The following LYZL2 variants were observed in gnomAD, a reference collection of about 807,000 sequenced individuals.
The protein encoded by LYZL2 is lysozyme-like protein 2.
LYZL2 carries 13 observed loss-of-function variants against 17.1 expected under a neutral mutation model. That is an observed-to-expected ratio of 0.76 (90% CI 0.49 to 1.21). The LOEUF (loss-of-function observed/expected upper bound fraction) is 1.21, where lower values mean the gene tolerates loss of function less well. LYZL2 is among the 50% of genes most tolerant of loss of function. The pLI, the probability that LYZL2 is intolerant of heterozygous loss-of-function variation, is 0.00. For missense variants in LYZL2, 166 were observed against 189.2 expected (o/e 0.88, Z 0.72); for synonymous variants, 63 against 74.4 (o/e 0.85, Z 0.79).
At chr10:30,613,917 C>T (rs11008146) in intron 3 of LYZL2, among the ~76,000 whole-genome samples, 17,298 of 152,138 alleles carry the variant, frequency 0.11, 1,066 homozygotes, top group South Asian at 0.18. Context: ...CAGGGTTTCA[C>T]CAGGCTGGTC....
At chr10:30,621,009 T>A (rs1375272634) in intron 3 of LYZL2, among the ~76,000 whole-genome samples, 1 of 152,162 alleles carries the variant, frequency 6.6e-6, no homozygotes, top group Non-Finnish European at 1.5e-5. Context: ...GCCGTTAGAA[T>A]TCTTGAAGGA....
downstream of LYZL2, among the ~76,000 whole-genome samples, chr10:30,608,924 G>C (rs1838402821): frequency 6.6e-6 from 1 of 152,040 alleles, no homozygotes; most frequent in Non-Finnish European, 1.5e-5. Flanking sequence ...ACTGAAGCCT[G>C]AAATTCCTGG....
intron 3 of LYZL2, among the ~76,000 whole-genome samples, chr10:30,616,630 C>G (rs1838532040): frequency 6.6e-6 from 1 of 152,248 alleles, no homozygotes; most frequent in African/African-American, 2.4e-5. Context: ...AAATCTTACT[C>G]TATGTCAGGC....
chr10:30,619,236 A>C (rs563963261), intron 3 of LYZL2, among the ~76,000 whole-genome samples: 1 of 152,334 alleles, frequency 6.6e-6, no homozygotes, highest in East Asian at 1.9e-4. Flanking sequence ...GTGGGACTGT[A>C]AACTAGTTCA....
the LYZL2 span, among the ~76,000 whole-genome samples, chr10:30,606,675 C>G: frequency 6.6e-6 from 1 of 152,158 alleles, no homozygotes; most frequent in Non-Finnish European, 1.5e-5. Context: ...ACTCACGGAG[C>G]TAGTCTCAGA....
chr10:30,609,292 A>ACCAG (rs1173569626), downstream of LYZL2, among the ~76,000 whole-genome samples: 1 of 152,190 alleles, frequency 6.6e-6, no homozygotes, highest in Non-Finnish European at 1.5e-5. Context: ...TATGGCACAC[A>ACCAG]CCAGCCACGA....
rs866254116 is a variant in LYZL2 at position 30,617,406 on chromosome 10, C to T, written c.299-4506G>A. Among the ~76,000 whole-genome samples, 121 of 152,050 alleles carry T rather than the reference C, an allele frequency of 8.0e-4. No individual in the cohort carries two copies. In the Middle Eastern group the frequency reaches 0.024, roughly 30 times the overall value. Reference sequence around the variant, plus strand: ...AGGAAAGTATGTCGACCGGGCGCGGCGGCTCACACCTGTAATCCCAGCACT... The same window carrying T: ...AGGAAAGTATGTCGACCGGGCGCGGTGGCTCACACCTGTAATCCCAGCACT... On this transcript the variant is annotated intron_variant, in intron 3 of 4. Coordinates refer to ENST00000647634, the MANE Select transcript of LYZL2 (RefSeq NM_183058.3).
chr10:30,627,030 G>A (rs1389345880), intron 1 of LYZL2, 90 bp from the exon 2 acceptor site: 1 of 1,543,570 alleles, frequency 6.5e-7, no homozygotes, highest in Non-Finnish European at 8.7e-7. Context: ...CTGCCTAGAT[G>A]CTGCCTGTCA....
At chr10:30,617,995 A>G (rs7095085) in intron 3 of LYZL2, among the ~76,000 whole-genome samples, 130,429 of 150,392 alleles carry the variant, frequency 0.87, 57,236 homozygotes, top group African/African-American at 0.95. Flanking sequence ...TACAAAATCA[A>G]TGTGCAAAAA....
At chr10:30,606,536 T>C in the LYZL2 span, among the ~76,000 whole-genome samples, 1 of 152,062 alleles carries the variant, frequency 6.6e-6, no homozygotes, top group Non-Finnish European at 1.5e-5. Flanking sequence ...TCACCAACGC[T>C]TTTTAAAAGC....
intron 1 of LYZL2, among the ~76,000 whole-genome samples, chr10:30,627,672 A>C (rs1588679778): frequency 6.6e-6 from 1 of 152,164 alleles, no homozygotes; most frequent in Non-Finnish European, 1.5e-5. Flanking sequence ...TGTTATTGGT[A>C]AGGCTTCCAG....
chr10:30,608,938 C>T (rs895003449), downstream of LYZL2, among the ~76,000 whole-genome samples: 1 of 152,108 alleles, frequency 6.6e-6, no homozygotes, highest in Non-Finnish European at 1.5e-5. Flanking sequence ...TTCCTGGGCT[C>T]AAGCGACCCT....
intron 3 of LYZL2, among the ~76,000 whole-genome samples, chr10:30,618,895 C>G (rs1223539138): frequency 6.6e-6 from 1 of 152,182 alleles, no homozygotes; most frequent in Non-Finnish European, 1.5e-5. Context: ...AGGCAACCTA[C>G]AGAATGGGAG....
At chr10:30,611,560 AAGGAAG>A (rs1564405800), downstream of LYZL2, among the ~76,000 whole-genome samples, 2,209 of 99,666 alleles carry the variant, frequency 0.022, 24 homozygotes, top group South Asian at 0.032. Context: ...GGAAGGAAGG[AAGGAAG>A]GAAGGAAAGA....
downstream of LYZL2, among the ~76,000 whole-genome samples, chr10:30,607,851 C>T (rs977116895): frequency 2.0e-5 from 3 of 152,136 alleles, no homozygotes; most frequent in Non-Finnish European, 2.9e-5. Flanking sequence ...TAGCAATGTC[C>T]GTCCTCAAGC....
rs541148259 is a variant in LYZL2, at chr10:30,624,934, C to T, written c.298+1171G>A. Reference sequence around the variant, plus strand: ...GTGAAAGGGACTCGACCCACTATTGCTGGCTGTGAAGATGGAGTAAGGGGC... The same window carrying T: ...GTGAAAGGGACTCGACCCACTATTGTTGGCTGTGAAGATGGAGTAAGGGGC... On this transcript the variant is annotated intron_variant, in intron 3 of 4. Coordinates refer to ENST00000647634, the MANE Select transcript of LYZL2 (RefSeq NM_183058.3). Among the ~76,000 whole-genome samples the T allele has an allele frequency of 4.6e-5, 7 of 152,284 alleles. No individual in the cohort carries two copies. The East Asian group carries it at 1.2e-3, about 25-fold the overall frequency.
At chr10:30,613,499 G>T (rs201472185) in intron 3 of LYZL2, among the ~76,000 whole-genome samples, 1 of 125,724 alleles carries the variant, frequency 8.0e-6, no homozygotes, top group Non-Finnish European at 1.7e-5. Context: ...TCTGTCTTAA[G>T]AAAAAAAAAA....
At chr10:30,615,503 AG>A (rs931485865) in intron 3 of LYZL2, among the ~76,000 whole-genome samples, 1 of 152,094 alleles carries the variant, frequency 6.6e-6, no homozygotes, top group African/African-American at 2.4e-5. Context: ...ATTTGCTGAT[AG>A]TGGATCTTAA....
At chr10:30,628,999 G>A (rs1414345644) in intron 1 of LYZL2, among the ~76,000 whole-genome samples, 1 of 152,200 alleles carries the variant, frequency 6.6e-6, no homozygotes, top group Non-Finnish European at 1.5e-5. Flanking sequence ...AGACCACAAA[G>A]CCTAACATAT....
Sources: allele counts gnomAD v4.1 joint callset (sites outside exome capture counted in the v4.1 genomes callset), GRCh38; gene constraint gnomAD v4.1.1; transcripts MANE v1.5; gene names NCBI Gene and HGNC (gene_info 2026-07-23, HGNC 2026-07-21).